The following CTNND2 variants were observed in gnomAD, a reference collection of about 807,000 sequenced individuals.
CTNND2 encodes the protein catenin delta-2.
A neutral mutation model predicts 144.4 loss-of-function variants in CTNND2; 22 were observed. The ratio of observed to expected loss-of-function variants is 0.15; its 90% CI spans 0.11 to 0.22. CTNND2 has a LOEUF of 0.22. Among genes scored for constraint, CTNND2 ranks in the 10% least tolerant of loss-of-function variants. The pLI is 1.00. For missense variants in CTNND2, 1,353 were observed against 1,618.8 expected, an observed-to-expected ratio of 0.84 and a Z score of 2.82; for synonymous variants, 751 against 695.6, an observed-to-expected ratio of 1.08 and a Z score of -1.25.
chr5:11,673,369 T>C (rs906005904), intron 2 of CTNND2, among the ~76,000 whole-genome samples: 22 of 152,326 alleles, frequency 1.4e-4, no homozygotes, highest in Admixed American at 8.5e-4. Context: ...CAGATGAATA[T>C]CCAGATTTAA....
At chr5:11,642,740 CA>C (rs1397762644) in intron 2 of CTNND2, among the ~76,000 whole-genome samples, 3 of 152,194 alleles carry the variant, frequency 2.0e-5, no homozygotes, top group Non-Finnish European at 4.4e-5. Context: ...AACCAACTGG[CA>C]TTCAGTCTGC....
At chr5:11,782,604 A>C (rs1790604072) in intron 1 of CTNND2, among the ~76,000 whole-genome samples, 1 of 152,204 alleles carries the variant, frequency 6.6e-6, no homozygotes, top group South Asian at 2.1e-4. Flanking sequence ...AAATAGTTTA[A>C]TAATGGTTAC....
chr5:11,213,650 G>T (rs1476265184), intron 10 of CTNND2, among the ~76,000 whole-genome samples: 2 of 152,026 alleles, frequency 1.3e-5, no homozygotes, highest in East Asian at 3.9e-4. Flanking sequence ...ATCCCATCAA[G>T]TGCAATGCAG....
At chr5:11,767,749 C>G (rs1789679184) in intron 1 of CTNND2, among the ~76,000 whole-genome samples, 1 of 152,204 alleles carries the variant, frequency 6.6e-6, no homozygotes, top group East Asian at 1.9e-4. Context: ...GAGGCAGAGG[C>G]AGTTGAGGTA....
chr5:11,528,522 G>A (rs1228416883), intron 3 of CTNND2, among the ~76,000 whole-genome samples: 1 of 152,214 alleles, frequency 6.6e-6, no homozygotes, highest in East Asian at 1.9e-4. Flanking sequence ...GACTGGGACA[G>A]CCTTGAACAG....
At position 11,236,784 on chromosome 5, in the gene CTNND2, A is replaced by T; in HGVS notation, c.1668T>A (p.Ile556=). The T allele has an allele frequency of 6.2e-7, 1 of 1,614,180 alleles. No homozygotes were observed. The highest frequency in any genetic ancestry group is 1.1e-5 in the South Asian group (1 of 91,090). ...AGGGAAACTGGTGCTGCAACATCTGAATCACTTCCGGCAGTTCCGGGTCTC... is the reference window on the plus strand; with the variant it reads ...AGGGAAACTGGTGCTGCAACATCTGTATCACTTCCGGCAGTTCCGGGTCTC... ...GWRDPELPEV[I]QMLQHQFPSV... is the part of the protein sequence containing the mutation. The change falls in exon 10 of 22, where the codon ATT becomes ATA. Residue 556 remains isoleucine, a synonymous_variant. Transcript: ENST00000304623.
intron 3 of CTNND2, among the ~76,000 whole-genome samples, chr5:11,462,585 A>G (rs1766315820): frequency 6.6e-6 from 1 of 152,142 alleles, no homozygotes; most frequent in South Asian, 2.1e-4. Context: ...GAATATAGAA[A>G]CAGGTTACGA....
At chr5:11,309,051 T>C (rs1463857136) in intron 9 of CTNND2, among the ~76,000 whole-genome samples, 1 of 152,202 alleles carries the variant, frequency 6.6e-6, no homozygotes, top group East Asian at 1.9e-4. Flanking sequence ...CGTGATCCAA[T>C]CACCTCTCAC....
At chr5:11,482,528 G>C (rs1768380955) in intron 3 of CTNND2, among the ~76,000 whole-genome samples, 1 of 152,056 alleles carries the variant, frequency 6.6e-6, no homozygotes, top group African/African-American at 2.4e-5. Context: ...CATTCTCAAG[G>C]CGCTAACATT....
At chr5:11,143,776 C>T (rs1404612921) in intron 12 of CTNND2, among the ~76,000 whole-genome samples, 2 of 152,224 alleles carry the variant, frequency 1.3e-5, no homozygotes, top group Non-Finnish European at 2.9e-5. Flanking sequence ...GAAGCTCTGG[C>T]ATTGGCTGAG....
chr5:11,410,864 C>T (rs1761464572), intron 5 of CTNND2, among the ~76,000 whole-genome samples: 1 of 151,468 alleles, frequency 6.6e-6, no homozygotes, highest in South Asian at 2.1e-4. Flanking sequence ...GAGTAAAGCA[C>T]TGATAGGTAA....
At chr5:11,470,044 C>T (rs1362368685) in intron 3 of CTNND2, among the ~76,000 whole-genome samples, 2 of 152,172 alleles carry the variant, frequency 1.3e-5, no homozygotes, top group Non-Finnish European at 2.9e-5. Context: ...TTGCTTAGTA[C>T]AGCATATAAT....
chr5:11,884,654 T>C (rs192972070), intron 1 of CTNND2, among the ~76,000 whole-genome samples: 2 of 152,274 alleles, frequency 1.3e-5, no homozygotes, highest in Admixed American at 1.3e-4. Context: ...CACTTTATTT[T>C]TTTCTCTTGT....
Position 11,672,549 on chromosome 5 carries a change from T to A in CTNND2, c.174+59587A>T, listed in dbSNP as rs909913816. On this transcript the variant is annotated intron_variant, in intron 2 of 21. Transcript: ENST00000304623. ...TGGAGGGCTCCACCTGGTTCAAACT[T>A]CCTGGCAGGCTTGTTTACACTGTGA... is the stretch of plus-strand genomic sequence containing the variant. 2.0e-5 allele frequency among the ~76,000 whole-genome samples: 3 copies of A among 152,242 alleles called. No homozygotes were observed. In the East Asian group the frequency reaches 5.8e-4, roughly 30 times the overall value.
In CTNND2 at chr5:11,556,231, C is replaced by T. The variant is rs532478623; in HGVS notation, c.287+8713G>A. On this transcript the variant is annotated intron_variant, in intron 3 of 21. Coordinates refer to ENST00000304623, the MANE Select transcript of CTNND2 (RefSeq NM_001332.4). ...ACTCGCTGTGGTAAGGATATAAATT[C>T]CTATGGCTATGGTTGGTAAACAGTA... Among the ~76,000 whole-genome samples, 13 of 152,134 alleles carry T rather than the reference C, an allele frequency of 8.5e-5. No homozygotes were observed. The East Asian group carries it at 2.3e-3, about 27-fold the overall frequency.
At chr5:11,332,066 G>T (rs914265438) in intron 9 of CTNND2, among the ~76,000 whole-genome samples, 1 of 151,782 alleles carries the variant, frequency 6.6e-6, no homozygotes, top group Non-Finnish European at 1.5e-5. Context: ...ACCTGAGGTC[G>T]GGAGTTCGAG....
chr5:11,516,181 T>C (rs976709281), intron 3 of CTNND2, among the ~76,000 whole-genome samples: 1 of 152,084 alleles, frequency 6.6e-6, no homozygotes, highest in East Asian at 1.9e-4. Flanking sequence ...AGTAACTAAA[T>C]TGTCAGAGTC....
chr5:11,167,696 C>CTT (rs34347219), intron 11 of CTNND2, among the ~76,000 whole-genome samples: 16 of 137,822 alleles, frequency 1.2e-4, no homozygotes, highest in South Asian at 4.7e-4. Flanking sequence ...GTCATATTCA[C>CTT]TTTTTTTTTT....
chr5:11,796,675 A>G (rs1401241579), intron 1 of CTNND2, among the ~76,000 whole-genome samples: 2 of 152,182 alleles, frequency 1.3e-5, no homozygotes, highest in African/African-American at 4.8e-5. Flanking sequence ...ATGAAATAAT[A>G]TACTTAAAAT....
Sources: gnomAD v4.1 joint callset for allele counts (sites outside exome capture counted in the v4.1 genomes callset) on GRCh38, gnomAD v4.1.1 for gene constraint, MANE v1.5 for transcripts, NCBI Gene and HGNC (gene_info 2026-07-23, HGNC 2026-07-21) for gene names.